The following CNTN1 variants were observed in gnomAD, a reference collection of about 807,000 sequenced individuals.
CNTN1 encodes contactin-1.
CNTN1 carries 38 observed loss-of-function variants against 126.4 expected under a neutral mutation model. The observed-to-expected ratio is 0.30, with a 90% CI of 0.23 to 0.39. The LOEUF is 0.39. CNTN1 is among the 10% of genes least tolerant of loss of function. The pLI is 1.00. For synonymous variants in CNTN1, 413 were observed against 422.6 expected, an observed-to-expected ratio of 0.98 and a Z score of 0.28; for missense variants, 1,009 against 1,248.4, an observed-to-expected ratio of 0.81 and a Z score of 2.89.
intron 1 of CNTN1, among the ~76,000 whole-genome samples, chr12:40,809,731 G>T (rs1940980315): frequency 6.6e-6 from 1 of 151,766 alleles, no homozygotes; most frequent in Non-Finnish European, 1.5e-5. Context: ...CAGGAGAATT[G>T]CTTGAACCCG....
chr12:40,917,407 A>G (rs1945284669), intron 3 of CNTN1, among the ~76,000 whole-genome samples: 1 of 152,118 alleles, frequency 6.6e-6, no homozygotes, highest in Non-Finnish European at 1.5e-5. Context: ...TTTTATAAAG[A>G]GTGATATTGA....
At chr12:40,967,965 A>T (rs1947367089) in intron 15 of CNTN1, among the ~76,000 whole-genome samples, 1 of 151,258 alleles carries the variant, frequency 6.6e-6, no homozygotes, top group African/African-American at 2.4e-5. Flanking sequence ...TATGTCATAT[A>T]ACATGTATTG....
At chr12:40,787,698 GA>G (rs1940077393) in intron 1 of CNTN1, among the ~76,000 whole-genome samples, 6 of 147,310 alleles carry the variant, frequency 4.1e-5, no homozygotes, top group Admixed American at 4.0e-4. Flanking sequence ...AAATAACTGT[GA>G]ATTTTTTCAT....
At chr12:40,854,241 A>C (rs1013301200) in intron 1 of CNTN1, among the ~76,000 whole-genome samples, 1 of 152,004 alleles carries the variant, frequency 6.6e-6, no homozygotes, top group Non-Finnish European at 1.5e-5. Flanking sequence ...ACATGTTAAC[A>C]GGGAAATTGC....
chr12:40,940,487 A>G (rs929578192), intron 12 of CNTN1, among the ~76,000 whole-genome samples: 2 of 152,166 alleles, frequency 1.3e-5, no homozygotes, highest in African/African-American at 4.8e-5. Context: ...TCAGATGTAG[A>G]AAATACATTA....
chr12:40,942,307 A>G (rs1946288052), intron 12 of CNTN1, among the ~76,000 whole-genome samples: 1 of 152,132 alleles, frequency 6.6e-6, no homozygotes, highest in Admixed American at 6.6e-5. Flanking sequence ...GGGAAAATAG[A>G]GAGGAAGCTG....
chr12:40,719,916 C>T (rs1942149736), intron 1 of CNTN1, among the ~76,000 whole-genome samples: 1 of 152,038 alleles, frequency 6.6e-6, no homozygotes, highest in Non-Finnish European at 1.5e-5. Context: ...CGGCTCACTG[C>T]AAGCTCCGCC....
chr12:41,020,393 T>A lies in CNTN1; in HGVS notation c.2476T>A (p.Ser826Thr). Residue 826 changes from serine to threonine, a missense_variant, in exon 20 of 24, where the codon TCT becomes ACT. Transcript: ENST00000551295. ...GVKVLSSSEI[S>T]VHWEHVLEKI... ...AAAAGTCTTATCATCTTCTGAGATA[T>A]CTGTTCATTGGGAACATGTTTTAGA... 6.2e-7 allele frequency: 1 copy of A among 1,612,858 alleles called. No homozygotes were observed. The highest frequency in any genetic ancestry group is 8.5e-7 in the Non-Finnish European group (1 of 1,179,322).
intron 1 of CNTN1, among the ~76,000 whole-genome samples, chr12:40,890,722 G>A (rs561112714): frequency 1.7e-4 from 26 of 152,108 alleles, no homozygotes; most frequent in Admixed American, 9.2e-4. Context: ...CCATGGCCTC[G>A]TTGTACCACA....
intron 20 of CNTN1, among the ~76,000 whole-genome samples, chr12:41,021,513 A>C (rs1055358671): frequency 6.6e-6 from 1 of 152,188 alleles, no homozygotes; most frequent in Non-Finnish European, 1.5e-5. Context: ...GAATACTGAT[A>C]GGAATAATGA....
chr12:40,970,782 C>T (rs1435419136), intron 15 of CNTN1, among the ~76,000 whole-genome samples: 1 of 152,082 alleles, frequency 6.6e-6, no homozygotes, highest in African/African-American at 2.4e-5. Flanking sequence ...GATTAGATAT[C>T]CACTTTGCCT....
intron 1 of CNTN1, among the ~76,000 whole-genome samples, chr12:40,700,592 T>C (rs764008952): frequency 1.3e-4 from 20 of 152,112 alleles, no homozygotes; most frequent in Non-Finnish European, 2.8e-4. Context: ...TCAACTTTAG[T>C]CTTCAGGTTT....
At chr12:41,066,494 T>A (rs568935974) in intron 23 of CNTN1, among the ~76,000 whole-genome samples, 6 of 152,310 alleles carry the variant, frequency 3.9e-5, no homozygotes, top group South Asian at 2.1e-4. Flanking sequence ...AGGCTTGGTA[T>A]TAGTCAACAC....
rs1950160218 is a variant in CNTN1 at position 41,071,539 on chromosome 12, C to T, written c.*1504C>T. On this transcript the variant is annotated 3_prime_UTR_variant, in exon 24 of 24. Coordinates refer to ENST00000551295, the MANE Select transcript of CNTN1 (RefSeq NM_001843.4). ...GCAAAATAGATCTATTACTACTTTA[C>T]CGACTTTACCCCCTTTCTTTAATTT... The T allele has an allele frequency of 6.6e-6, 1 of 152,130 alleles. No homozygotes were observed. Among genetic ancestry groups the T allele is most frequent in the African/African-American group, 2.4e-5 (1 of 41,424 alleles). 9.4% of individuals were successfully genotyped at this position (152,130 alleles called of 1,614,324 possible). A position where few individuals can be genotyped will look rare whatever the true frequency, so the allele number is the denominator to read the frequency against.
At chr12:40,786,335 C>A (rs1276295057) in intron 1 of CNTN1, among the ~76,000 whole-genome samples, 1 of 152,152 alleles carries the variant, frequency 6.6e-6, no homozygotes, top group Non-Finnish European at 1.5e-5. Flanking sequence ...AAGTCCTTCT[C>A]ACATCACATC....
At chr12:40,760,901 C>T (rs1027958812) in intron 1 of CNTN1, among the ~76,000 whole-genome samples, 2 of 151,818 alleles carry the variant, frequency 1.3e-5, no homozygotes, top group Non-Finnish European at 2.9e-5. Flanking sequence ...TCCATGTTAC[C>T]TGTGTTCCCC....
rs149668636 is a variant in CNTN1, at chr12:41,038,676, T to C, written c.2980+9457T>C. ...GTTCAAGAGAGCAACTTTCACAAAA[T>C]AGTGTGGGTGAAAGTCTTATTTCTC... On this transcript the variant is annotated intron_variant, in intron 23 of 23. Transcript: ENST00000551295. Among the ~76,000 whole-genome samples the C allele has an allele frequency of 2.0e-3, 309 of 152,158 alleles. 3 individuals carry two copies. In the East Asian group the frequency reaches 0.027, roughly 13 times the overall value.
intron 1 of CNTN1, among the ~76,000 whole-genome samples, chr12:40,751,818 T>C (rs1592047819): frequency 6.6e-6 from 1 of 152,070 alleles, no homozygotes; most frequent in East Asian, 1.9e-4. Flanking sequence ...GACCTCCAAG[T>C]GTTGTTACAT....
At chr12:40,928,549 C>CT (rs1457564021) in intron 6 of CNTN1, among the ~76,000 whole-genome samples, 2 of 152,004 alleles carry the variant, frequency 1.3e-5, no homozygotes, top group Non-Finnish European at 2.9e-5. Flanking sequence ...TTTTCTGCCT[C>CT]TTTTTATCTG....
Sources: allele counts gnomAD v4.1 joint callset (sites outside exome capture counted in the v4.1 genomes callset), GRCh38; gene constraint gnomAD v4.1.1; transcripts MANE v1.5; gene names NCBI Gene and HGNC (gene_info 2026-07-23, HGNC 2026-07-21).